The following CSMD1 variants were observed in gnomAD, a reference collection of about 807,000 sequenced individuals.
The protein encoded by CSMD1 is CUB and Sushi multiple domains 1.
Under a neutral mutation model 417.5 loss-of-function variants are expected in CSMD1, and 213 were observed. That is an observed-to-expected ratio of 0.51 (90% confidence interval 0.46 to 0.57). The LOEUF (loss-of-function observed/expected upper bound fraction) is 0.57. CSMD1 is among the 20% of genes least tolerant of loss of function. The pLI is 0.00. For synonymous variants in CSMD1, 2,862 were observed against 1,736.8 expected (o/e 1.65, Z -16.11); for missense variants, 6,923 against 4,529.7 (o/e 1.53, Z -15.17).
intron 4 of CSMD1, among the ~76,000 whole-genome samples, chr8:4,013,212 C>A (rs1321944150): frequency 6.6e-6 from 1 of 152,076 alleles, no homozygotes; most frequent in African/African-American, 2.4e-5. Context: ...CCTCTGGGAT[C>A]CTCCGGGACC....
intron 23 of CSMD1, among the ~76,000 whole-genome samples, chr8:3,333,240 G>A (rs1275833829): frequency 6.6e-6 from 1 of 152,154 alleles, no homozygotes; most frequent in East Asian, 1.9e-4. Context: ...AGAAGACCCA[G>A]CCAAGCCGTG....
intron 3 of CSMD1, among the ~76,000 whole-genome samples, chr8:4,169,192 G>A (rs767883848): frequency 6.6e-6 from 1 of 152,114 alleles, no homozygotes; most frequent in African/African-American, 2.4e-5. Context: ...TGTTAACATA[G>A]TGTACGTCAC....
In CSMD1 at chr8:3,387,513, G is replaced by A. The variant is rs375511102; in HGVS notation, c.2763C>T (p.His921=). The A allele has an allele frequency of 4.4e-6, 7 of 1,601,352 alleles. No homozygotes were observed. The African/African-American group carries it at 5.4e-5, about 12-fold the overall frequency. ...ACCTACCGTCGCAGCTGGGCAAGGC[G>A]TGGTTCCACTGGTGGTTCCTCTCAC... ...LVCERNHQWN[H]ALPSCDALCG... is the part of the protein sequence containing the mutation. Residue 921 remains histidine (H), a synonymous_variant, in exon 18 of 70, where the codon CAC becomes CAT. Coordinates refer to ENST00000635120, the MANE Select transcript of CSMD1 (RefSeq NM_033225.6).
intron 1 of CSMD1, among the ~76,000 whole-genome samples, chr8:4,915,262 T>C (rs967020830): frequency 6.6e-6 from 1 of 152,106 alleles, no homozygotes; most frequent in Non-Finnish European, 1.5e-5. Flanking sequence ...CTAACACAAA[T>C]ACTCCAATTC....
intron 54 of CSMD1, among the ~76,000 whole-genome samples, chr8:2,979,236 T>G (rs2128938044): frequency 6.6e-6 from 1 of 152,382 alleles, no homozygotes; most frequent in East Asian, 1.9e-4. Flanking sequence ...GCATTAGTGC[T>G]TTAATATGTG....
At chr8:3,736,355 C>A (rs1317574394) in intron 6 of CSMD1, among the ~76,000 whole-genome samples, 2 of 152,036 alleles carry the variant, frequency 1.3e-5, no homozygotes, top group Non-Finnish European at 2.9e-5. Flanking sequence ...GATTCTCCTA[C>A]CTCAGCCTTC....
At chr8:4,403,608 C>G (rs757725536) in intron 3 of CSMD1, among the ~76,000 whole-genome samples, 1 of 152,138 alleles carries the variant, frequency 6.6e-6, no homozygotes, top group East Asian at 1.9e-4. Flanking sequence ...CCTAAGAACT[C>G]CCCCTTTTCA....
In CSMD1 at chr8:4,138,072, T is replaced by A. The variant is rs1425918937; in HGVS notation, c.416-105973A>T. Among the ~76,000 whole-genome samples the A allele has an allele frequency of 7.9e-4, 70 of 88,996 alleles. 1 individual carries two copies. The highest frequency in any genetic ancestry group is 1.9e-3 in the African/African-American group (60 of 32,240). The allele number at this position is 88,996 out of a possible 152,430, so 58.4% of individuals were successfully genotyped here. A position where few individuals can be genotyped will look rare whatever the true frequency, so the allele number is the denominator to read the frequency against. ...TTTTTTTTTTTTTTTTTTTTTTTTT[T>A]TTTTTTTTTTTTTTTGTATTTTTTA... On this transcript the variant is annotated intron_variant, in intron 3 of 69. Transcript: ENST00000635120.
At chr8:3,439,346 T>A (rs1474243191) in intron 12 of CSMD1, among the ~76,000 whole-genome samples, 1 of 143,108 alleles carries the variant, frequency 7.0e-6, no homozygotes, top group Admixed American at 7.2e-5. Context: ...TTTTGGACAT[T>A]TTGATAGCTG....
At chr8:4,225,242 T>G (rs954905274) in intron 3 of CSMD1, among the ~76,000 whole-genome samples, 1 of 152,200 alleles carries the variant, frequency 6.6e-6, no homozygotes, top group Non-Finnish European at 1.5e-5. Flanking sequence ...GGAGAATCAA[T>G]GACAAACCAT....
chr8:3,649,438 T>G (rs1189720772), intron 7 of CSMD1, among the ~76,000 whole-genome samples: 2 of 152,194 alleles, frequency 1.3e-5, no homozygotes, highest in Non-Finnish European at 2.9e-5. Context: ...CTGGGTAATT[T>G]ATCAAGAGGC....
chr8:3,041,608 T>C (rs970485415), intron 50 of CSMD1, among the ~76,000 whole-genome samples: 3 of 152,286 alleles, frequency 2.0e-5, no homozygotes, highest in African/African-American at 4.8e-5. Flanking sequence ...GCACCACATC[T>C]ATCTGTAGAA....
rs574937422 is a variant in CSMD1, at chr8:3,250,396, T to C, written c.4154-20165A>G. Among the ~76,000 whole-genome samples, 426 of 152,346 alleles carry C rather than the reference T, an allele frequency of 2.8e-3. 5 individuals are homozygous for C. Among genetic ancestry groups the C allele is most frequent in the African/African-American group, 9.8e-3 (408 of 41,578 alleles). On this transcript the variant is annotated intron_variant, in intron 26 of 69. Coordinates refer to ENST00000635120, the MANE Select transcript of CSMD1 (RefSeq NM_033225.6). ...CTACAAAGGACATGAACTCATTATT[T>C]TTTATGGCTGGATAGTATTCCATGG...
At chr8:4,663,248 A>G (rs1395188037) in intron 1 of CSMD1, among the ~76,000 whole-genome samples, 1 of 152,200 alleles carries the variant, frequency 6.6e-6, no homozygotes, top group East Asian at 1.9e-4. Context: ...CTGACTTTTC[A>G]TTACCTGTAT....
chr8:4,085,430 T>C (rs1252708549), intron 3 of CSMD1, among the ~76,000 whole-genome samples: 1 of 152,228 alleles, frequency 6.6e-6, no homozygotes, highest in East Asian at 1.9e-4. Flanking sequence ...ATTTTGATTA[T>C]TTAGAAAATG....
chr8:4,595,096 G>C (rs115986314), intron 2 of CSMD1, among the ~76,000 whole-genome samples: 4,991 of 152,124 alleles, frequency 0.033, 139 homozygotes, highest in Middle Eastern at 0.12. Flanking sequence ...CTTTAATAGG[G>C]ATGGAATTTT....
chr8:3,090,464 G>C (rs1304840231), intron 48 of CSMD1, among the ~76,000 whole-genome samples: 2 of 152,070 alleles, frequency 1.3e-5, no homozygotes, highest in South Asian at 2.1e-4. Flanking sequence ...AAGAATATCT[G>C]AATTTCTTGC....
At chr8:3,509,819 G>C (rs888194465) in intron 10 of CSMD1, among the ~76,000 whole-genome samples, 3 of 152,046 alleles carry the variant, frequency 2.0e-5, no homozygotes, top group Non-Finnish European at 4.4e-5. Flanking sequence ...CACCAGCCAG[G>C]TGTGAGGCTA....
At chr8:3,802,419 A>C (rs1012147586) in intron 5 of CSMD1, among the ~76,000 whole-genome samples, 3 of 152,262 alleles carry the variant, frequency 2.0e-5, no homozygotes, top group African/African-American at 7.2e-5. Context: ...AACAAACACT[A>C]TTATTCTTTA....
Sources: allele counts gnomAD v4.1 joint callset (sites outside exome capture counted in the v4.1 genomes callset), GRCh38; gene constraint gnomAD v4.1.1; transcripts MANE v1.5; gene names NCBI Gene and HGNC (gene_info 2026-07-23, HGNC 2026-07-21).